SLX4: variants seen among roughly 807,000 people sequenced by gnomAD.
The protein encoded by SLX4 is structure-specific endonuclease subunit SLX4.
Under a neutral mutation model 146.2 loss-of-function variants are expected in SLX4, and 112 were observed. The ratio of observed to expected loss-of-function variants is 0.77; its 90% confidence interval spans 0.66 to 0.90. The LOEUF (loss-of-function observed/expected upper bound fraction) is 0.90. SLX4 is among the 40% of genes least tolerant of loss of function. The pLI, the probability that SLX4 is intolerant of heterozygous loss-of-function variation, is 0.00. For synonymous variants in SLX4, 1,061 were observed against 997.7 expected, an observed-to-expected ratio of 1.06 and a Z score of -1.20; for missense variants, 2,563 against 2,392.7, an observed-to-expected ratio of 1.07 and a Z score of -1.49.
Position 3,592,865 on chromosome 16 carries a change from C to G in SLX4, c.2161G>C (p.Val721Leu), listed in dbSNP as rs2040609632. ...ACAGCGGAGAAGCCTTCATTGTTCA[C>G]CTGCAGGTGAAATGCAACACAGAGG... ...YARCPLLIQY[V>L]NNEGFSAVED... Residue 721 changes from valine to leucine, a missense_variant and splice_region_variant, in exon 11 of 15, where the codon GTG becomes CTG. Physicochemically the swap from Val to Leu is conservative, Grantham distance 32 (BLOSUM62 1). Transcript: ENST00000294008. The G allele has an allele frequency of 6.2e-7, 1 of 1,609,214 alleles. No individual in the cohort carries two copies. The highest frequency in any genetic ancestry group is 8.5e-7 in the Non-Finnish European group (1 of 1,177,832).
At position 3,590,709 on chromosome 16, in the gene SLX4, A is replaced by T. The variant is rs2151124768; in HGVS notation, c.2929T>A (p.Ser977Thr). 6.2e-7 allele frequency: 1 copy of T among 1,614,104 alleles called. No homozygotes were observed. Among genetic ancestry groups the T allele is most frequent in the Non-Finnish European group, 8.5e-7 (1 of 1,180,036 alleles). ...TGTTCGTAATCCCCGGCATCATCTG[A>T]GTGCGGAAGAGAGCCTTCTTTTCTC... The part of the protein sequence containing the change: ...AERKEGSLPH[S>T]DDAGDYEQLF... Residue 977 changes from serine to threonine, a missense_variant, in exon 12 of 15, where the codon TCA becomes ACA. Coordinates refer to ENST00000294008, the MANE Select transcript of SLX4 (RefSeq NM_032444.4). This position sits in a 1 kb window ranked among gnomAD's most constrained non-coding sequence, Gnocchi z 4.8.
In SLX4 at chr16:3,601,092, G is replaced by C. The variant is rs1467612038; in HGVS notation, c.1050C>G (p.Thr350=). The C allele has an allele frequency of 6.2e-7, 1 of 1,614,174 alleles. No individual in the cohort carries two copies. Among genetic ancestry groups the C allele is most frequent in the South Asian group, 1.1e-5 (1 of 91,084 alleles). ...TCACAGCACACTGCTTCAAGTGACT[G>C]GTTCTGCTCTTTAAGGTAAGAAACG... The part of the protein sequence containing the change: ...GKPFLTLKSR[T]SHLKQCAVKM... The change falls in exon 5 of 15, where the codon ACC becomes ACG. Residue 350 remains threonine, a synonymous_variant. Transcript: ENST00000294008.
chr16:3,609,916 G>C (rs2040832074), intron 1 of SLX4, among the ~76,000 whole-genome samples: 1 of 152,174 alleles, frequency 6.6e-6, no homozygotes, highest in Non-Finnish European at 1.5e-5. Context: ...ACTGATCTAA[G>C]ACCCCTGGCT....
chr16:3,584,727 G>T, intron 13 of SLX4, 42 bp downstream of exon 13: 2 of 1,475,792 alleles, frequency 1.4e-6, no homozygotes, highest in Non-Finnish European at 1.9e-6. Context: ...CTTATGGGAG[G>T]GAAAAGACCA....
At chr16:3,591,583 G>A (rs1212804435) in intron 11 of SLX4, among the ~76,000 whole-genome samples, 2 of 152,184 alleles carry the variant, frequency 1.3e-5, no homozygotes, top group African/African-American at 4.8e-5. Context: ...AAGGTAACAG[G>A]GATTGGCAGA....
rs759431781 is a variant in SLX4 at position 3,592,768 on chromosome 16, T to C, written c.2258A>G (p.His753Arg). ...VSTEAARTFLHYLYTADTGLP... is the reference protein window; with the variant it reads ...VSTEAARTFLRYLYTADTGLP... ...GCCAGTGTCCGCAGTGTAGAGATAG[T>C]GCAGGAACGTGCGGGCGGCCTCGGT... The change falls in exon 11 of 15, where the codon CAC becomes CGC. Residue 753 changes from histidine (H) to arginine (R), a missense_variant. His to Arg is a conservative substitution (Grantham distance 29). Transcript: ENST00000294008. 1.2e-6 allele frequency: 2 copies of C among 1,612,838 alleles called. No individual in the cohort carries two copies. The highest frequency in any genetic ancestry group is 1.9e-4 in the Middle Eastern group (1 of 5,224).
At chr16:3,605,835 T>C (rs1291087807) in intron 3 of SLX4, among the ~76,000 whole-genome samples, 1 of 149,764 alleles carries the variant, frequency 6.7e-6, no homozygotes, top group African/African-American at 2.5e-5. Flanking sequence ...TAGTCCCAGC[T>C]ACTCGGGAGG....
In SLX4 at chr16:3,589,447, G is replaced by T. The variant is rs768464573; in HGVS notation, c.4191C>A (p.Asp1397Glu). ...AGGCCACCTCCTGCTCATCGTCACT[G>T]TCTCCGACTTCCACCACTTCACCCG... ...TPAGEVVEVG[D>E]SDDEQEVASH... The change falls in exon 12 of 15, where the codon GAC (aspartate) becomes GAA (glutamate). Residue 1397 changes from aspartate (D) to glutamate (E), a missense_variant. Asp to Glu is a conservative substitution (Grantham distance 45). Transcript: ENST00000294008. The surrounding 1 kb of genome is among the most constrained non-coding windows in gnomAD (Gnocchi z 6.2). 2 of 1,606,048 alleles carry T rather than the reference G, an allele frequency of 1.2e-6. No homozygotes were observed. The highest frequency in any genetic ancestry group is 4.5e-5 in the East Asian group (2 of 44,632).
chr16:3,591,970 C>T (rs2040599565), intron 11 of SLX4, among the ~76,000 whole-genome samples: 1 of 152,166 alleles, frequency 6.6e-6, no homozygotes, highest in African/African-American at 2.4e-5. Flanking sequence ...GCCTGGGCAA[C>T]ACAGCGACAC....
intron 1 of SLX4, among the ~76,000 whole-genome samples, chr16:3,609,835 G>C (rs576809415): frequency 6.6e-6 from 1 of 152,132 alleles, no homozygotes; most frequent in African/African-American, 2.4e-5. Flanking sequence ...GAAATTTAGG[G>C]AGCAAACCCC....
chr16:3,583,145 G>A lies in SLX4; in HGVS notation c.5105C>T (p.Ser1702Phe), dbSNP rs2151116485. The change falls in exon 14 of 15, where the codon TCC becomes TTC. Residue 1702 changes from serine (S) to phenylalanine (F), a missense_variant. Coordinates refer to ENST00000294008, the MANE Select transcript of SLX4 (RefSeq NM_032444.4). ...ACTGCCATCCACAGAGGTGGCCACG[G>A]ATTCTTGAGAGGCTGGGATCTGGGC... ...DDAQIPASQE[S>F]VATSVDGSDS... 2.5e-6 allele frequency: 4 copies of A among 1,614,262 alleles called. No individual in the cohort carries two copies. The highest frequency in any genetic ancestry group is 3.4e-6 in the Non-Finnish European group (4 of 1,180,046).
intron 12 of SLX4, among the ~76,000 whole-genome samples, chr16:3,587,740 C>G (rs1451755488): frequency 1.3e-5 from 2 of 152,062 alleles, no homozygotes; most frequent in African/African-American, 4.8e-5. Flanking sequence ...CACGGGCGTG[C>G]TATAAGAAGC....
chr16:3,583,732 A>G (rs1008373037), intron 13 of SLX4, among the ~76,000 whole-genome samples: 4 of 152,098 alleles, frequency 2.6e-5, no homozygotes, highest in Non-Finnish European at 5.9e-5. Context: ...GCCAGGCACA[A>G]TGGCTCACGC....
chr16:3,584,771 A>G lies in SLX4; in HGVS notation c.4737T>C (p.Asp1579=). Reference sequence around the variant, plus strand: ...AACAAGCTTTGAAGACCGCCAACCTATCCAGTTCCTTCTTCAGCACCGGCG... The same window carrying G: ...AACAAGCTTTGAAGACCGCCAACCTGTCCAGTTCCTTCTTCAGCACCGGCG... ...METPVLKKEL[D]RFGVRPLPKR... Residue 1579 remains aspartate, a splice_region_variant and synonymous_variant, in exon 13 of 15, where the codon GAT becomes GAC. Coordinates refer to ENST00000294008, the MANE Select transcript of SLX4 (RefSeq NM_032444.4). 2 of 1,612,112 alleles carry G rather than the reference A, an allele frequency of 1.2e-6. No homozygotes were observed. The highest frequency in any genetic ancestry group is 1.7e-6 in the Non-Finnish European group (2 of 1,178,230).
Position 3,594,437 on chromosome 16 carries a change from C to G in SLX4, c.2160+16G>C, listed in dbSNP as rs778556000. On this transcript the variant is annotated intron_variant, in intron 10 of 14. Transcript: ENST00000294008. ...AGAGAGAGGAAAGGAGGGCACACGGCAGCCCACGTACTTACATACTGGATG... is the reference window on the plus strand; with the variant it reads ...AGAGAGAGGAAAGGAGGGCACACGGGAGCCCACGTACTTACATACTGGATG... 6.2e-7 allele frequency: 1 copy of G among 1,608,542 alleles called. No homozygotes were observed. The highest frequency in any genetic ancestry group is 1.3e-5 in the African/African-American group (1 of 74,912).
rs779930457 is a variant in SLX4 at position 3,589,051 on chromosome 16, C to T, written c.4587G>A (p.Gln1529=). 6.2e-7 allele frequency: 1 copy of T among 1,614,198 alleles called. No homozygotes were observed. The highest frequency in any genetic ancestry group is 8.5e-7 in the Non-Finnish European group (1 of 1,180,044). Residue 1529 remains glutamine (Q), a synonymous_variant, in exon 12 of 15, where the codon CAG becomes CAA. Coordinates refer to ENST00000294008, the MANE Select transcript of SLX4 (RefSeq NM_032444.4). This position sits in a 1 kb window ranked among gnomAD's most constrained non-coding sequence, Gnocchi z 6.2. ...QRPPETPPPA[Q]MPSAGGAQKP... Reference sequence around the variant, plus strand: ...TCTGAGCTCCACCAGCGCTTGGCATCTGGGCCGGAGGAGGGGTCTCTGGAG... The same window carrying T: ...TCTGAGCTCCACCAGCGCTTGGCATTTGGGCCGGAGGAGGGGTCTCTGGAG...
intron 5 of SLX4, 105 bp downstream of exon 5, chr16:3,600,874 G>T: frequency 6.5e-6 from 8 of 1,231,662 alleles, no homozygotes; most frequent in Non-Finnish European, 9.3e-6. Flanking sequence ...GCGATTACAG[G>T]TGTGAACTAC....
Position 3,597,388 on chromosome 16 carries a change from C to T in SLX4, c.1674G>A (p.Arg558=), listed in dbSNP as rs769908031. 1 of 1,572,906 alleles carries T rather than the reference C, an allele frequency of 6.4e-7. No individual in the cohort carries two copies. Among genetic ancestry groups the T allele is most frequent in the Non-Finnish European group, 8.6e-7 (1 of 1,158,616 alleles). Residue 558 remains arginine, a synonymous_variant, in exon 7 of 15, where the codon CGG becomes CGA. Coordinates refer to ENST00000294008, the MANE Select transcript of SLX4 (RefSeq NM_032444.4). The surrounding 1 kb of genome is among the most constrained non-coding windows in gnomAD (Gnocchi z 4.4). The part of the protein sequence containing the change: ...ARLVPPLVPQ[R]PAQGLMQEPV... ...GAGGGGAGGGACTCACCTGGGCAGGCCGCTGGGGCACGAGAGGAGGGACCA... is the reference window on the plus strand; with the variant it reads ...GAGGGGAGGGACTCACCTGGGCAGGTCGCTGGGGCACGAGAGGAGGGACCA...
In SLX4 at chr16:3,589,863, CG is replaced by C; in HGVS notation, c.3774del (p.Ala1259ProfsTer29). ...CGGCTTCTGCTGGCCAGCGGGGTGG[CG>C]GGCACCAGCCACGAGGTGTCTGTGG... ...ASTTDTSWLV[P>X]ATPLASRSRD... On this transcript the variant is annotated frameshift_variant, in exon 12 of 15. Transcript: ENST00000294008. LOFTEE classifies it high-confidence loss of function. The surrounding 1 kb of genome is among the most constrained non-coding windows in gnomAD (Gnocchi z 6.2). The C allele has an allele frequency of 1.2e-6, 2 of 1,612,998 alleles. No individual in the cohort carries two copies.
Sources: gnomAD v4.1 joint callset for allele counts (sites outside exome capture counted in the v4.1 genomes callset) on GRCh38, gnomAD v4.1.1 for gene constraint, Gnocchi (gnomAD v3.1) non-coding constraint, MANE v1.5 for transcripts, NCBI Gene and HGNC (gene_info 2026-07-23, HGNC 2026-07-21) for gene names.